The following ROCK2 variants were observed in gnomAD, a reference collection of about 807,000 sequenced individuals.
The protein encoded by ROCK2 is Rho associated coiled-coil containing protein kinase 2, also known as rho-associated protein kinase 2.
A neutral mutation model predicts 195.1 loss-of-function variants in ROCK2; 61 were observed. The ratio of observed to expected loss-of-function variants is 0.31; its 90% CI spans 0.25 to 0.39. The LOEUF (loss-of-function observed/expected upper bound fraction) is 0.39, where lower values mean the gene tolerates loss of function less well. ROCK2 is among the 10% of genes least tolerant of loss of function. The pLI is 1.00. For synonymous variants in ROCK2, 504 were observed against 545.5 expected, an observed-to-expected ratio of 0.92 and a Z score of 1.06; for missense variants, 1,109 against 1,637.4, an observed-to-expected ratio of 0.68 and a Z score of 5.57.
At chr2:11,337,509 A>G (rs1668967257) in intron 1 of ROCK2, among the ~76,000 whole-genome samples, 1 of 152,170 alleles carries the variant, frequency 6.6e-6, no homozygotes, top group South Asian at 2.1e-4. Flanking sequence ...GGAAATGCAA[A>G]TCATGCAAAT....
chr2:11,240,698 A>C (rs1023511328), intron 4 of ROCK2, among the ~76,000 whole-genome samples: 2 of 152,226 alleles, frequency 1.3e-5, no homozygotes, highest in African/African-American at 2.4e-5. Flanking sequence ...TGGTGGTTCC[A>C]CAATGCTATA....
chr2:11,220,672 A>G (rs1320577568), intron 9 of ROCK2, among the ~76,000 whole-genome samples: 2 of 152,176 alleles, frequency 1.3e-5, no homozygotes, highest in Non-Finnish European at 2.9e-5. Flanking sequence ...CTCACATTCC[A>G]AACATTTGCT....
At chr2:11,295,966 A>AAG (rs11413362) in intron 1 of ROCK2, among the ~76,000 whole-genome samples, 1,865 of 77,702 alleles carry the variant, frequency 0.024, 78 homozygotes, top group Non-Finnish European at 0.031. Context: ...CAAAAAACAA[A>AAG]AGAGAGAGAG....
chr2:11,187,866 A>C (rs920079973), intron 32 of ROCK2, among the ~76,000 whole-genome samples: 34 of 152,176 alleles, frequency 2.2e-4, no homozygotes, highest in Non-Finnish European at 4.6e-4. Context: ...TAGACTGTTA[A>C]TTCTTTAACA....
Position 11,344,152 on chromosome 2 carries a change from C to G in ROCK2, c.-16G>C. On this transcript the variant is annotated 5_prime_UTR_variant, in exon 1 of 33. Transcript: ENST00000315872. This position sits in a 1 kb window ranked among gnomAD's most constrained non-coding sequence, Gnocchi z 5.4. ...GCCGGCTCATGCCGCCACCGCTGGA[C>G]CCGCACTCAGGCTCCTCGCGCTCAG... The G allele has an allele frequency of 1.4e-6, 2 of 1,417,554 alleles. No homozygotes were observed. Among genetic ancestry groups the G allele is most frequent in the Admixed American group, 3.4e-5 (1 of 29,300 alleles). 87.8% of individuals were successfully genotyped at this position (1,417,554 alleles called of 1,614,324 possible).
chr2:11,312,603 T>C (rs2148233158), intron 1 of ROCK2, among the ~76,000 whole-genome samples: 1 of 152,298 alleles, frequency 6.6e-6, no homozygotes, highest in East Asian at 1.9e-4. Context: ...TCATCTTTTT[T>C]CCATGTATTA....
chr2:11,248,735 A>AG (rs1395723377), intron 4 of ROCK2, among the ~76,000 whole-genome samples: 24 of 139,648 alleles, frequency 1.7e-4, no homozygotes, highest in African/African-American at 5.6e-4. Flanking sequence ...AAAAAAAAAA[A>AG]AAAGAAAGAA....
At chr2:11,332,760 G>A (rs756650260) in intron 1 of ROCK2, among the ~76,000 whole-genome samples, 1 of 152,198 alleles carries the variant, frequency 6.6e-6, no homozygotes, top group Non-Finnish European at 1.5e-5. Context: ...CAAGAGAAAT[G>A]AAAACATATG....
chr2:11,276,566 G>A (rs935653174), intron 3 of ROCK2, among the ~76,000 whole-genome samples: 1 of 152,146 alleles, frequency 6.6e-6, no homozygotes, highest in Non-Finnish European at 1.5e-5. Flanking sequence ...GGAAGACTTA[G>A]TATTGTTAAA....
chr2:11,324,730 C>G (rs1396937991), intron 1 of ROCK2, among the ~76,000 whole-genome samples: 1 of 152,162 alleles, frequency 6.6e-6, no homozygotes, highest in Non-Finnish European at 1.5e-5. Flanking sequence ...AGAAATCTAA[C>G]AAGTTAGTAA....
intron 1 of ROCK2, chr2:11,308,872 A>T (rs1484142427): frequency 1.6e-5 from 25 of 1,611,928 alleles, no homozygotes; most frequent in Non-Finnish European, 2.1e-5. Flanking sequence ...ACTTTAAAAG[A>T]AAGCAATTGC....
rs1171154478 is a variant in ROCK2, at chr2:11,180,241, C to T, written c.*3196G>A. 6.6e-6 allele frequency: 1 copy of T among 152,166 alleles called. No homozygotes were observed. The highest frequency in any genetic ancestry group is 6.5e-5 in the Admixed American group (1 of 15,272). The allele number at this position is 152,166 out of a possible 1,614,324, so 9.4% of individuals were successfully genotyped here. On this transcript the variant is annotated 3_prime_UTR_variant, in exon 33 of 33. Coordinates refer to ENST00000315872, the MANE Select transcript of ROCK2 (RefSeq NM_004850.5). Reference sequence around the variant, plus strand: ...AGTTTCTCTACTTTACCACCAGAATCCTAGAAGAGAGTAACAGCAGCAGCA... The same window carrying T: ...AGTTTCTCTACTTTACCACCAGAATTCTAGAAGAGAGTAACAGCAGCAGCA...
At chr2:11,229,806 T>C (rs73175666) in intron 5 of ROCK2, among the ~76,000 whole-genome samples, 5,175 of 152,246 alleles carry the variant, frequency 0.034, 284 homozygotes, top group African/African-American at 0.12. Flanking sequence ...GCAAATCTGT[T>C]TGTCACAGGG....
chr2:11,333,130 A>C (rs1668819773), intron 1 of ROCK2, among the ~76,000 whole-genome samples: 1 of 152,264 alleles, frequency 6.6e-6, no homozygotes, highest in Admixed American at 6.5e-5. Context: ...TACACTTACA[A>C]TGGAAGACAT....
chr2:11,210,062 C>T (rs1193085630), intron 18 of ROCK2, among the ~76,000 whole-genome samples: 3 of 152,130 alleles, frequency 2.0e-5, no homozygotes, highest in Non-Finnish European at 4.4e-5. Context: ...ACAGAAGGAC[C>T]AAAGGCTTTA....
chr2:11,300,891 A>T (rs898880154), intron 1 of ROCK2, among the ~76,000 whole-genome samples: 1 of 152,252 alleles, frequency 6.6e-6, no homozygotes, highest in Non-Finnish European at 1.5e-5. Context: ...GCAGAATTAG[A>T]AAGTGAGTAT....
intron 1 of ROCK2, among the ~76,000 whole-genome samples, chr2:11,309,257 T>C (rs537069973): frequency 1.2e-3 from 183 of 152,118 alleles, no homozygotes; most frequent in African/African-American, 3.9e-3. Flanking sequence ...ATTTAAAGTA[T>C]ACAGGAGGAT....
chr2:11,327,676 C>CCTCAGACT (rs1231481436), intron 1 of ROCK2, among the ~76,000 whole-genome samples: 1 of 152,168 alleles, frequency 6.6e-6, no homozygotes, highest in Non-Finnish European at 1.5e-5. Flanking sequence ...AATCCTTCCA[C>CCTCAGACT]CTCAGACTCT....
intron 1 of ROCK2, among the ~76,000 whole-genome samples, chr2:11,337,337 A>T (rs1454324649): frequency 1.3e-5 from 2 of 152,198 alleles, no homozygotes; most frequent in Non-Finnish European, 2.9e-5. Flanking sequence ...TGTTCTCTTT[A>T]TATACAAAAG....
Sources: allele counts gnomAD v4.1 joint callset (sites outside exome capture counted in the v4.1 genomes callset), GRCh38; gene constraint gnomAD v4.1.1; non-coding constraint Gnocchi (gnomAD v3.1); transcripts MANE v1.5; gene names NCBI Gene and HGNC (gene_info 2026-07-23, HGNC 2026-07-21).